The following ADAM9 variants were observed in gnomAD, a reference collection of about 807,000 sequenced individuals.
ADAM9 encodes the protein disintegrin and metalloproteinase domain-containing protein 9.
Under a neutral mutation model 108.1 loss-of-function variants are expected in ADAM9, and 54 were observed. The observed-to-expected ratio is 0.50, with a 90% CI of 0.40 to 0.63. The LOEUF (loss-of-function observed/expected upper bound fraction) is 0.63. Among genes scored for constraint, ADAM9 ranks in the 20% least tolerant of loss-of-function variants. ADAM9 has a pLI of 0.00. For synonymous variants in ADAM9, 316 were observed against 336.0 expected, an observed-to-expected ratio of 0.94 and a Z score of 0.65; for missense variants, 830 against 997.7, an observed-to-expected ratio of 0.83 and a Z score of 2.26.
At chr8:39,045,708 T>C (rs1837747922) in intron 12 of ADAM9, among the ~76,000 whole-genome samples, 1 of 152,074 alleles carries the variant, frequency 6.6e-6, no homozygotes, top group African/African-American at 2.4e-5. Context: ...CATAACGATT[T>C]ATTTTCCTCT....
rs1838681546 is a variant in ADAM9, at chr8:39,071,328, T to C, written c.1622T>C (p.Ile541Thr). The change falls in exon 15 of 22, where the codon ATT becomes ACT. Residue 541 changes from isoleucine (I) to threonine (T), a missense_variant. By Grantham distance (89) the Ile-to-Thr change is moderately conservative (BLOSUM62 -1). This residue lies in a region of ADAM9 where 381 missense variants were observed against 539.8 expected (regional missense o/e 0.71). Coordinates refer to ENST00000487273, the MANE Select transcript of ADAM9 (RefSeq NM_003816.3). Reference protein sequence around the residue: ...KAKAAPKDCFIEVNSKGDRFG... With the variant: ...KAKAAPKDCFTEVNSKGDRFG... ...AAGGCTGCCCCCAAAGATTGTTTCA[T>C]TGAAGTGAATTCTAAAGGTGACAGA... 2 of 1,614,170 alleles carry C rather than the reference T, an allele frequency of 1.2e-6. No homozygotes were observed. The highest frequency in any genetic ancestry group is 1.7e-6 in the Non-Finnish European group (2 of 1,180,026).
intron 11 of ADAM9, among the ~76,000 whole-genome samples, chr8:39,034,809 CT>C (rs567548651): frequency 1.3e-4 from 19 of 148,748 alleles, no homozygotes; most frequent in South Asian, 6.4e-4. Flanking sequence ...TGTCTTTAAA[CT>C]TTTTTTTTTG....
intron 14 of ADAM9, among the ~76,000 whole-genome samples, chr8:39,060,860 T>C (rs983886057): frequency 6.6e-6 from 1 of 152,236 alleles, no homozygotes; most frequent in African/African-American, 2.4e-5. Context: ...CCTTGCCAGC[T>C]GAAAGCAGCT....
At chr8:39,041,205 T>G (rs1272036219) in intron 11 of ADAM9, among the ~76,000 whole-genome samples, 1 of 152,168 alleles carries the variant, frequency 6.6e-6, no homozygotes, top group Admixed American at 6.5e-5. Context: ...GAAAGTATTT[T>G]ATAGTTATTG....
Position 39,014,449 on chromosome 8 carries a change from C to G in ADAM9, c.333+406C>G. ...AAACACTCATTTGATGTTATGTGTT[C>G]TAATGTTCTAAATTTTTTCTGAAAA... On this transcript the variant is annotated intron_variant, in intron 4 of 21. Transcript: ENST00000487273. 6.0e-6 allele frequency: 4 copies of G among 661,898 alleles called. No individual in the cohort carries two copies. The East Asian group carries it at 1.1e-4, about 18-fold the overall frequency. 41.0% of individuals were successfully genotyped at this position (661,898 alleles called of 1,614,324 possible).
At chr8:39,008,707 A>G (rs1342353753) in intron 2 of ADAM9, among the ~76,000 whole-genome samples, 3 of 152,136 alleles carry the variant, frequency 2.0e-5, no homozygotes, top group Non-Finnish European at 4.4e-5. Flanking sequence ...GACGGTGGAG[A>G]GTGATAATGT....
intron 2 of ADAM9, among the ~76,000 whole-genome samples, chr8:39,009,466 T>C (rs1256675999): frequency 3.3e-5 from 5 of 152,206 alleles, no homozygotes; most frequent in African/African-American, 4.8e-5. Context: ...CTCGAACTCT[T>C]GGCTTCAAGT....
intron 14 of ADAM9, among the ~76,000 whole-genome samples, chr8:39,057,861 G>A (rs1838175334): frequency 6.6e-6 from 1 of 151,966 alleles, no homozygotes; most frequent in Non-Finnish European, 1.5e-5. Context: ...AAATATCTGG[G>A]GATTCTGTGG....
chr8:39,018,074 A>G (rs190863573), intron 6 of ADAM9, among the ~76,000 whole-genome samples: 15 of 152,308 alleles, frequency 9.8e-5, no homozygotes, highest in African/African-American at 3.4e-4. Context: ...GGAGACTGCT[A>G]TAGCACTTCA....
At chr8:39,078,281 GT>G (rs1159273510) in intron 16 of ADAM9, among the ~76,000 whole-genome samples, 1 of 148,518 alleles carries the variant, frequency 6.7e-6, no homozygotes, top group Non-Finnish European at 1.5e-5. Context: ...ATACATTTAA[GT>G]TTTTGATAGT....
At chr8:39,042,876 T>C (rs566434059) in intron 12 of ADAM9, among the ~76,000 whole-genome samples, 2 of 152,212 alleles carry the variant, frequency 1.3e-5, no homozygotes, top group Non-Finnish European at 2.9e-5. Flanking sequence ...TTTCACTGTG[T>C]GTAACTGAAA....
chr8:39,068,179 G>T (rs1312635226), intron 14 of ADAM9, among the ~76,000 whole-genome samples: 3 of 152,098 alleles, frequency 2.0e-5, no homozygotes, highest in Non-Finnish European at 4.4e-5. Context: ...ATAGTCCCTG[G>T]TCCAAAGGAG....
chr8:39,087,652 C>A (rs1026069040), intron 18 of ADAM9, among the ~76,000 whole-genome samples: 2 of 152,126 alleles, frequency 1.3e-5, no homozygotes, highest in Non-Finnish European at 2.9e-5. Flanking sequence ...ATAAATGATA[C>A]ATTTGTGTAA....
At chr8:39,070,201 A>G (rs963502969) in intron 14 of ADAM9, among the ~76,000 whole-genome samples, 1 of 151,668 alleles carries the variant, frequency 6.6e-6, no homozygotes, top group Admixed American at 6.6e-5. Flanking sequence ...CGTTTTCAAT[A>G]CTAACAATAA....
rs757847128 is a variant in ADAM9, at chr8:39,017,344, A to G, written c.536A>G (p.Asn179Ser). 6 of 1,614,026 alleles carry G rather than the reference A, an allele frequency of 3.7e-6. No individual in the cohort carries two copies. The highest frequency in any genetic ancestry group is 3.3e-5 in the South Asian group (3 of 91,090). The change falls in exon 6 of 22, where the codon AAC (asparagine) becomes AGC (serine). Residue 179 changes from asparagine (N) to serine (S), a missense_variant. Coordinates refer to ENST00000487273, the MANE Select transcript of ADAM9 (RefSeq NM_003816.3). Reference protein sequence around the residue: ...YKEPLKCGVSNKDIEKETAKD... With the variant: ...YKEPLKCGVSSKDIEKETAKD... ...GAGCCTCTGAAATGTGGAGTTTCCA[A>G]CAAGGATATAGAGAAAGAAACTGCA... is the stretch of plus-strand genomic sequence containing the variant.
chr8:39,077,834 C>CTTAT (rs1471849500), intron 16 of ADAM9, among the ~76,000 whole-genome samples: 1 of 152,150 alleles, frequency 6.6e-6, no homozygotes, highest in Non-Finnish European at 1.5e-5. Context: ...CAGCCCATGA[C>CTTAT]TTATTACTAG....
chr8:39,013,911 C>T (rs1836438670), intron 3 of ADAM9, 54 bp from the exon 4 acceptor site: 5 of 1,358,436 alleles, frequency 3.7e-6, no homozygotes, highest in Non-Finnish European at 5.3e-6. Context: ...TGAATCGTGT[C>T]CTTAGTTGTA....
Position 39,103,663 on chromosome 8 carries a change from C to T in ADAM9, c.2423C>T (p.Pro808Leu). The T allele has an allele frequency of 6.2e-7, 1 of 1,614,154 alleles. No homozygotes were observed. The highest frequency in any genetic ancestry group is 8.5e-7 in the Non-Finnish European group (1 of 1,180,010). ...SSQGNLIPAR[P>L]APAPPLYSSL... is the part of the protein sequence containing the mutation. The stretch of plus-strand genomic sequence containing the variant: ...CAGGGAAACTTAATTCCTGCCCGTC[C>T]TGCTCCTGCACCTCCTTTATATAGT... Residue 808 changes from proline to leucine, a missense_variant, in exon 22 of 22, where the codon CCT becomes CTT. Coordinates refer to ENST00000487273, the MANE Select transcript of ADAM9 (RefSeq NM_003816.3).
intron 14 of ADAM9, among the ~76,000 whole-genome samples, chr8:39,063,998 T>C (rs1408256616): frequency 6.6e-6 from 1 of 152,174 alleles, no homozygotes; most frequent in Non-Finnish European, 1.5e-5. Context: ...AGGTCACTTA[T>C]ATGGTGCTTG....
Sources: allele counts gnomAD v4.1 joint callset (sites outside exome capture counted in the v4.1 genomes callset), GRCh38; gene constraint gnomAD v4.1.1; regional missense constraint gnomAD v4.1.1; transcripts MANE v1.5; gene names NCBI Gene and HGNC (gene_info 2026-07-23, HGNC 2026-07-21).